Variants in VAV2 observed in about 807,000 individuals in gnomAD.
VAV2 encodes the protein vav guanine nucleotide exchange factor 2.
A neutral mutation model predicts 132.5 loss-of-function variants in VAV2; 67 were observed. The observed-to-expected ratio is 0.51, with a 90% CI of 0.42 to 0.62. The LOEUF is 0.62. Among genes scored for constraint, VAV2 ranks in the 20% least tolerant of loss-of-function variants. The pLI, the probability that VAV2 is intolerant of heterozygous loss-of-function variation, is 0.00. For synonymous variants in VAV2, 492 were observed against 443.5 expected, an observed-to-expected ratio of 1.11 and a Z score of -1.37; for missense variants, 938 against 1,153.6, an observed-to-expected ratio of 0.81 and a Z score of 2.71.
intron 10 of VAV2, 36 bp from the exon 11 acceptor site, chr9:133,796,560 C>T (rs760289569): frequency 1.5e-5 from 24 of 1,584,722 alleles, no homozygotes; most frequent in South Asian, 9.0e-5. Flanking sequence ...GAGCCCTCCC[C>T]GAGGAAAGCC....
intron 1 of VAV2, among the ~76,000 whole-genome samples, chr9:133,980,436 G>A (rs1055793249): frequency 6.6e-6 from 1 of 152,194 alleles, no homozygotes; most frequent in East Asian, 1.9e-4. Flanking sequence ...CCAGAATAGA[G>A]AAAGGGCATG....
intron 8 of VAV2, 106 bp from the exon 9 acceptor site, chr9:133,806,287 GA>G: frequency 9.2e-7 from 1 of 1,085,870 alleles, no homozygotes; most frequent in Non-Finnish European, 1.3e-6. Context: ...TCAAGGAGGG[GA>G]GGGGCCCGGG....
chr9:133,877,716 G>C (rs1354239639), intron 2 of VAV2, among the ~76,000 whole-genome samples: 1 of 152,324 alleles, frequency 6.6e-6, no homozygotes, highest in East Asian at 1.9e-4. Context: ...AATGGGGACA[G>C]GTGACAGTAG....
intron 2 of VAV2, among the ~76,000 whole-genome samples, chr9:133,930,034 C>T (rs1418319831): frequency 6.6e-6 from 1 of 152,234 alleles, no homozygotes; most frequent in Non-Finnish European, 1.5e-5. Context: ...TTGAGAAGGC[C>T]CAGAGTGGTC....
chr9:133,774,290 T>C (rs72762818), intron 25 of VAV2, among the ~76,000 whole-genome samples: 27,040 of 152,102 alleles, frequency 0.18, 3,769 homozygotes, highest in African/African-American at 0.39. Context: ...CCCCAGCTCC[T>C]GGTCGGCAAG....
intron 6 of VAV2, among the ~76,000 whole-genome samples, chr9:133,809,656 G>C (rs745378479): frequency 1.3e-5 from 2 of 152,232 alleles, no homozygotes; most frequent in African/African-American, 2.4e-5. Flanking sequence ...TTTCTAGCCA[G>C]GGGGCCTGAG....
rs1202076291 is a variant in VAV2 at position 133,834,048 on chromosome 9, A to G, written c.449+224T>C. Among the ~76,000 whole-genome samples the G allele has an allele frequency of 6.6e-6, 1 of 152,178 alleles. No homozygotes were observed. Among genetic ancestry groups the G allele is most frequent in the Non-Finnish European group, 1.5e-5 (1 of 68,018 alleles). On this transcript the variant is annotated intron_variant, in intron 4 of 29. Transcript: ENST00000371850. This position sits in a 1 kb window ranked among gnomAD's most constrained non-coding sequence, Gnocchi z 5.9. ...GGCAGCCTTCTAGAATGTACAAGGG[A>G]TATGAAGATCTGCTCATGTCTGAGG... is the stretch of plus-strand genomic sequence containing the variant.
chr9:133,898,622 A>C (rs2486358), intron 2 of VAV2, among the ~76,000 whole-genome samples: 137,988 of 151,886 alleles, frequency 0.91, 63,779 homozygotes, highest in East Asian at 1. Flanking sequence ...TAAAAAGATC[A>C]TTTTTAATCC....
At chr9:133,849,954 G>A (rs1318389227) in intron 3 of VAV2, among the ~76,000 whole-genome samples, 3 of 152,244 alleles carry the variant, frequency 2.0e-5, no homozygotes, top group Admixed American at 6.5e-5. Flanking sequence ...AAGTTCGGAG[G>A]GATACAGCTT....
intron 2 of VAV2, among the ~76,000 whole-genome samples, chr9:133,889,511 G>C (rs944960027): frequency 2.6e-5 from 4 of 152,188 alleles, no homozygotes; most frequent in Admixed American, 2.6e-4. Flanking sequence ...ATGCTTGGGA[G>C]GGAAAGGCAC....
intron 1 of VAV2, among the ~76,000 whole-genome samples, chr9:133,977,286 G>A (rs1183326352): frequency 6.6e-6 from 1 of 152,244 alleles, no homozygotes; most frequent in Non-Finnish European, 1.5e-5. Flanking sequence ...AGATCTGAAG[G>A]GGGTCTTGGC....
intron 2 of VAV2, among the ~76,000 whole-genome samples, chr9:133,900,744 TAATC>T (rs1839404889): frequency 6.7e-6 from 1 of 149,952 alleles, no homozygotes; most frequent in South Asian, 2.2e-4. Context: ...TTTCTCCAAT[TAATC>T]AATCTACCTC....
chr9:133,899,251 C>T (rs1839344792), intron 2 of VAV2, among the ~76,000 whole-genome samples: 1 of 151,622 alleles, frequency 6.6e-6, no homozygotes, highest in Non-Finnish European at 1.5e-5. Flanking sequence ...CCTGAGGAGA[C>T]CCATGGGGAG....
chr9:133,830,953 G>A (rs538969957), intron 4 of VAV2, among the ~76,000 whole-genome samples: 1 of 152,224 alleles, frequency 6.6e-6, no homozygotes, highest in East Asian at 1.9e-4. Flanking sequence ...GATGATTTAC[G>A]TTTGCAATAA....
chr9:133,917,961 T>A (rs1330750847), intron 2 of VAV2, among the ~76,000 whole-genome samples: 3 of 120,208 alleles, frequency 2.5e-5, no homozygotes, highest in African/African-American at 9.6e-5. Context: ...CCCCGGCCCA[T>A]CGCCACTTCC....
intron 4 of VAV2, among the ~76,000 whole-genome samples, chr9:133,822,300 C>T (rs887908214): frequency 2.6e-5 from 4 of 152,208 alleles, no homozygotes; most frequent in African/African-American, 4.8e-5. Context: ...AAGCAGGGTA[C>T]CAAGCTGCCA....
intron 16 of VAV2, 166 bp from the exon 17 acceptor site, chr9:133,786,051 C>A: frequency 1.4e-6 from 1 of 698,464 alleles, no homozygotes; most frequent in South Asian, 1.5e-5. Context: ...TACCTGCTCT[C>A]TTGCCCATGC....
At position 133,836,137 on chromosome 9, in the gene VAV2, C is replaced by T. The variant is rs138293157; in HGVS notation, c.381-1797G>A. 6.5e-3 allele frequency among the ~76,000 whole-genome samples: 994 copies of T among 152,298 alleles called. 8 individuals carry two copies. Among genetic ancestry groups the T allele is most frequent in the African/African-American group, 0.023 (938 of 41,548 alleles). ...GGAATCCATCTCCTCCCATGATATG[C>T]AGAGCCCCATGCCGACACAGATCCC... On this transcript the variant is annotated intron_variant, in intron 3 of 29. Coordinates refer to ENST00000371850, the MANE Select transcript of VAV2 (RefSeq NM_001134398.2).
intron 4 of VAV2, among the ~76,000 whole-genome samples, chr9:133,822,246 A>G (rs1175374918): frequency 1.3e-5 from 2 of 152,206 alleles, no homozygotes; most frequent in Non-Finnish European, 2.9e-5. Flanking sequence ...TGTTGCTGAC[A>G]GGCTGGGATG....
Sources: allele counts gnomAD v4.1 joint callset (sites outside exome capture counted in the v4.1 genomes callset), GRCh38; gene constraint gnomAD v4.1.1; non-coding constraint Gnocchi (gnomAD v3.1); transcripts MANE v1.5; gene names NCBI Gene and HGNC (gene_info 2026-07-23, HGNC 2026-07-21).